The following TIMP3 variants were observed in gnomAD, a reference collection of about 807,000 sequenced individuals.
TIMP3 encodes metalloproteinase inhibitor 3.
In TIMP3, 11 loss-of-function variants were observed where a neutral mutation model predicts 30.0. The ratio of observed to expected loss-of-function variants is 0.37; its 90% CI spans 0.23 to 0.61. The LOEUF (loss-of-function observed/expected upper bound fraction) is 0.61, where lower values mean the gene tolerates loss of function less well. TIMP3 is among the 20% of genes least tolerant of loss of function. TIMP3 has a pLI of 0.70. For missense variants in TIMP3, 181 were observed against 276.8 expected, an observed-to-expected ratio of 0.65 and a Z score of 2.45; for synonymous variants, 112 against 111.3, an observed-to-expected ratio of 1.01 and a Z score of -0.04.
intron 1 of TIMP3, among the ~76,000 whole-genome samples, chr22:32,808,398 T>C (rs963148675): frequency 6.6e-6 from 1 of 152,128 alleles, no homozygotes; most frequent in Non-Finnish European, 1.5e-5. Flanking sequence ...AGGAGGAGGA[T>C]GGACTGCCGA....
chr22:32,828,619 G>A (rs1443827168), intron 1 of TIMP3, among the ~76,000 whole-genome samples: 10 of 152,232 alleles, frequency 6.6e-5, no homozygotes, highest in Admixed American at 6.5e-4. Flanking sequence ...CAGGCCCAGG[G>A]ACAGGAAGTG....
At chr22:32,823,935 A>C (rs1365523475) in intron 1 of TIMP3, among the ~76,000 whole-genome samples, 1 of 152,142 alleles carries the variant, frequency 6.6e-6, no homozygotes, top group Non-Finnish European at 1.5e-5. Context: ...ATGGAGTGAC[A>C]TCTTATGAAG....
intron 1 of TIMP3, among the ~76,000 whole-genome samples, chr22:32,839,611 G>A (rs1349005752): frequency 6.6e-6 from 1 of 152,094 alleles, no homozygotes; most frequent in African/African-American, 2.4e-5. Flanking sequence ...CTTCCAAATT[G>A]CTGGTGGCCC....
chr22:32,806,645 A>G (rs543167409), intron 1 of TIMP3, among the ~76,000 whole-genome samples: 12 of 152,316 alleles, frequency 7.9e-5, no homozygotes, highest in African/African-American at 2.9e-4. Context: ...TTTCTTATTT[A>G]TACAAGGGGA....
Position 32,860,365 on chromosome 22 carries a change from G to C in TIMP3, c.*988G>C, listed in dbSNP as rs1008672538. 5 of 152,716 alleles carry C rather than the reference G, an allele frequency of 3.3e-5. No individual in the cohort carries two copies. Among genetic ancestry groups the C allele is most frequent in the African/African-American group, 1.2e-4 (5 of 41,552 alleles). The allele number at this position is 152,716 out of a possible 1,614,324, so 9.5% of individuals were successfully genotyped here. A position where few individuals can be genotyped will look rare whatever the true frequency, so the allele number is the denominator to read the frequency against. On this transcript the variant is annotated 3_prime_UTR_variant, in exon 5 of 5. Transcript: ENST00000266085. ...CCAGAATAGTGTTTAGCTCACCTAG[G>C]GGGATATGTTTGTATACACATTTGC... is the stretch of plus-strand genomic sequence containing the variant.
At chr22:32,806,161 G>A (rs773565956) in intron 1 of TIMP3, among the ~76,000 whole-genome samples, 1 of 152,030 alleles carries the variant, frequency 6.6e-6, no homozygotes, top group African/African-American at 2.4e-5. Flanking sequence ...CCCAGTGGGA[G>A]GTACCCGGTC....
chr22:32,843,769 T>G (rs1458706808), intron 1 of TIMP3, among the ~76,000 whole-genome samples: 1 of 152,136 alleles, frequency 6.6e-6, no homozygotes, highest in East Asian at 1.9e-4. Context: ...GAGCAGCCCC[T>G]TCCCTGGGAC....
rs1452782607 is a variant in TIMP3 at position 32,837,347 on chromosome 22, C to T, written c.122-12105C>T. On this transcript the variant is annotated intron_variant, in intron 1 of 4. Transcript: ENST00000266085. This position sits in a 1 kb window ranked among gnomAD's most constrained non-coding sequence, Gnocchi z 4.1. ...AGGGGGTGGTCTCAGCCCCCCTCAC[C>T]GAGTGCACTTGCATGGCAGTAAGCA... Among the ~76,000 whole-genome samples, 2 of 152,242 alleles carry T rather than the reference C, an allele frequency of 1.3e-5. No homozygotes were observed. The highest frequency in any genetic ancestry group is 2.4e-5 in the African/African-American group (1 of 41,522).
At chr22:32,831,994 G>A (rs2047587273) in intron 1 of TIMP3, among the ~76,000 whole-genome samples, 2 of 152,220 alleles carry the variant, frequency 1.3e-5, no homozygotes, top group African/African-American at 4.8e-5. Flanking sequence ...CATTGTTACA[G>A]ATCAGCAATG....
chr22:32,858,962 G>A (rs1425276150), intron 4 of TIMP3, among the ~76,000 whole-genome samples: 1 of 152,146 alleles, frequency 6.6e-6, no homozygotes, highest in Non-Finnish European at 1.5e-5. Context: ...TCCTAAAACT[G>A]TGATAAGAAT....
chr22:32,822,672 G>A (rs2047283933), intron 1 of TIMP3, among the ~76,000 whole-genome samples: 1 of 152,118 alleles, frequency 6.6e-6, no homozygotes, highest in African/African-American at 2.4e-5. Flanking sequence ...GTGAAGATCT[G>A]CACTTCCTCT....
At chr22:32,804,444 C>T (rs1260439891) in intron 1 of TIMP3, among the ~76,000 whole-genome samples, 1 of 152,238 alleles carries the variant, frequency 6.6e-6, no homozygotes. Flanking sequence ...GGGACCCACA[C>T]AACCCCACCA....
At position 32,837,390 on chromosome 22, in the gene TIMP3, CCT is replaced by C. The variant is rs5845044; in HGVS notation, c.122-12061_122-12060del. Among the ~76,000 whole-genome samples the C allele has an allele frequency of 0.16, 24,081 of 152,030 alleles. 2,311 individuals carry two copies. Among genetic ancestry groups the C allele is most frequent in the African/African-American group, 0.28 (11,568 of 41,390 alleles). ...AGTAAGCAAGTCGGCGCCTCTGACCCCTGAGTGGGCTTGAGCTTTTGAGAGGT... is the reference window on the plus strand; with the variant it reads ...AGTAAGCAAGTCGGCGCCTCTGACCCGAGTGGGCTTGAGCTTTTGAGAGGT... On this transcript the variant is annotated intron_variant, in intron 1 of 4. Coordinates refer to ENST00000266085, the MANE Select transcript of TIMP3 (RefSeq NM_000362.5). This position sits in a 1 kb window ranked among gnomAD's most constrained non-coding sequence, Gnocchi z 4.1.
chr22:32,832,201 T>A (rs2047593369), intron 1 of TIMP3, among the ~76,000 whole-genome samples: 1 of 152,214 alleles, frequency 6.6e-6, no homozygotes, highest in African/African-American at 2.4e-5. Context: ...ATGTCTTAAC[T>A]CAAGTTTGAC....
chr22:32,836,740 G>C (rs1469437554), intron 1 of TIMP3, among the ~76,000 whole-genome samples: 3 of 152,164 alleles, frequency 2.0e-5, no homozygotes, highest in Non-Finnish European at 4.4e-5. Context: ...CCAAACTATG[G>C]CCCTGGGTGT....
chr22:32,830,369 T>C (rs1251422730), intron 1 of TIMP3, among the ~76,000 whole-genome samples: 1 of 152,116 alleles, frequency 6.6e-6, no homozygotes, highest in African/African-American at 2.4e-5. Flanking sequence ...ATCTCCCTTT[T>C]CAAGCTGAAA....
At chr22:32,856,713 A>G (rs956492427) in intron 2 of TIMP3, among the ~76,000 whole-genome samples, 1 of 152,154 alleles carries the variant, frequency 6.6e-6, no homozygotes, top group Non-Finnish European at 1.5e-5. Context: ...ACAATAAGTT[A>G]TTGTTTACTG....
chr22:32,857,762 G>A (rs756763476), intron 3 of TIMP3, among the ~76,000 whole-genome samples: 1 of 152,184 alleles, frequency 6.6e-6, no homozygotes, highest in Non-Finnish European at 1.5e-5. Flanking sequence ...TTGGCCTCTA[G>A]TCCTAGCTCC....
chr22:32,827,275 C>A (rs1000470231), intron 1 of TIMP3, among the ~76,000 whole-genome samples: 1 of 152,186 alleles, frequency 6.6e-6, no homozygotes, highest in Non-Finnish European at 1.5e-5. Flanking sequence ...AAAAACAGAG[C>A]CAGGCGTGGC....
Sources: allele counts gnomAD v4.1 joint callset (sites outside exome capture counted in the v4.1 genomes callset), GRCh38; gene constraint gnomAD v4.1.1; non-coding constraint Gnocchi (gnomAD v3.1); transcripts MANE v1.5; gene names NCBI Gene and HGNC (gene_info 2026-07-23, HGNC 2026-07-21).